The following SERBP1 variants were observed in gnomAD, a reference collection of about 807,000 sequenced individuals.
SERBP1 encodes SERPINE1 mRNA binding protein 1, also known as SERPINE1 mRNA-binding protein 1.
In SERBP1, 6 loss-of-function variants were observed where a neutral mutation model predicts 50.2. That is an observed-to-expected ratio of 0.12 (90% CI 0.07 to 0.24). The LOEUF (loss-of-function observed/expected upper bound fraction) is 0.24, where lower values mean the gene tolerates loss of function less well. SERBP1 is among the 10% of genes least tolerant of loss of function. The pLI is 1.00. For synonymous variants in SERBP1, 168 were observed against 182.8 expected (o/e 0.92, Z 0.65); for missense variants, 346 against 524.9 (o/e 0.66, Z 3.33).
chr1:67,421,461 A>G (rs1228850824), intron 5 of SERBP1, among the ~76,000 whole-genome samples: 13 of 152,224 alleles, frequency 8.5e-5, no homozygotes, highest in Admixed American at 8.5e-4. Flanking sequence ...TGCTATGCCC[A>G]GATTCTCCCC....
At chr1:67,425,023 A>G in intron 3 of SERBP1, 46 bp from the exon 4 acceptor site, 1 of 1,601,604 alleles carries the variant, frequency 6.2e-7, no homozygotes, top group East Asian at 2.2e-5. Context: ...CTAGAAATTC[A>G]AAGTTTGTTT....
At chr1:67,417,848 CAG>C (rs373678724) in intron 6 of SERBP1, among the ~76,000 whole-genome samples, 86 of 151,904 alleles carry the variant, frequency 5.7e-4, no homozygotes, top group African/African-American at 1.7e-3. Flanking sequence ...GAGCAGAAAA[CAG>C]AAACTCTGAG....
chr1:67,421,854 G>C (rs1313838494), intron 5 of SERBP1, among the ~76,000 whole-genome samples: 3 of 152,158 alleles, frequency 2.0e-5, no homozygotes, highest in Non-Finnish European at 2.9e-5. Context: ...TCGGGAGGCT[G>C]AGGCAGGAGA....
At position 67,411,219 on chromosome 1, in the gene SERBP1, A is replaced by G. The variant is rs1666827331; in HGVS notation, c.*1988T>C. ...GTTCAGGCTATCTTGAAAGCTTGCA[A>G]CATACCAGATATTGCTATGTTGTCT... On this transcript the variant is annotated 3_prime_UTR_variant, in exon 8 of 8. Transcript: ENST00000361219. 1 of 152,196 alleles carries G rather than the reference A, an allele frequency of 6.6e-6. No individual in the cohort carries two copies. Among genetic ancestry groups the G allele is most frequent in the South Asian group, 2.1e-4 (1 of 4,834 alleles). The allele number at this position is 152,196 out of a possible 1,614,324, so 9.4% of individuals were successfully genotyped here. A position where few individuals can be genotyped will look rare whatever the true frequency, so the allele number is the denominator to read the frequency against.
At chr1:67,423,906 G>A (rs947199918) in intron 5 of SERBP1, among the ~76,000 whole-genome samples, 1 of 152,122 alleles carries the variant, frequency 6.6e-6, no homozygotes, top group Admixed American at 6.5e-5. Flanking sequence ...TTAAGGGCTG[G>A]GTGCAGTGGC....
At chr1:67,421,931 G>A (rs2100429626) in intron 5 of SERBP1, among the ~76,000 whole-genome samples, 1 of 152,214 alleles carries the variant, frequency 6.6e-6, no homozygotes, top group African/African-American at 2.4e-5. Flanking sequence ...AGGAGACTGT[G>A]TCTCAAAGAA....
chr1:67,428,076 TTACAG>T (rs1410071551), intron 1 of SERBP1, among the ~76,000 whole-genome samples: 1 of 152,218 alleles, frequency 6.6e-6, no homozygotes, highest in Non-Finnish European at 1.5e-5. Flanking sequence ...GCGACTTTGT[TTACAG>T]ATTTATTCCC....
At chr1:67,422,931 C>T (rs980706410) in intron 5 of SERBP1, among the ~76,000 whole-genome samples, 3 of 151,168 alleles carry the variant, frequency 2.0e-5, no homozygotes, top group Non-Finnish European at 2.9e-5. Flanking sequence ...ACTGTTACTT[C>T]AGCCTGGGCA....
chr1:67,423,009 T>C (rs758445338), intron 5 of SERBP1, among the ~76,000 whole-genome samples: 1 of 149,328 alleles, frequency 6.7e-6, no homozygotes, highest in Non-Finnish European at 1.5e-5. Flanking sequence ...CAAAACACCA[T>C]GTAATTTTAA....
At chr1:67,424,813 A>C in intron 4 of SERBP1, 75 bp downstream of exon 4, 1 of 1,084,492 alleles carries the variant, frequency 9.2e-7, no homozygotes, top group East Asian at 2.4e-5. Context: ...TATCTCAGAG[A>C]CAAGTAAAAT....
intron 6 of SERBP1, among the ~76,000 whole-genome samples, chr1:67,419,043 G>A (rs1382732307): frequency 1.3e-5 from 2 of 152,126 alleles, no homozygotes; most frequent in South Asian, 2.1e-4. Context: ...AAGCTTAAAC[G>A]GAAGCTACCA....
intron 1 of SERBP1, among the ~76,000 whole-genome samples, chr1:67,427,396 C>CAT (rs1268315470): frequency 1.2e-4 from 19 of 152,256 alleles, no homozygotes; most frequent in Non-Finnish European, 2.1e-4. Context: ...CTGACAAAGT[C>CAT]ATAAAGCAGC....
In SERBP1 at chr1:67,409,892, G is replaced by A. The variant is rs1421671090; in HGVS notation, c.*3315C>T. The A allele has an allele frequency of 6.6e-6, 1 of 152,182 alleles. No homozygotes were observed. Among genetic ancestry groups the A allele is most frequent in the Non-Finnish European group, 1.5e-5 (1 of 68,032 alleles). The allele number at this position is 152,182 out of a possible 1,614,324, so 9.4% of individuals were successfully genotyped here. ...TACCAGTTATGCCATACAAAGCACA[G>A]TAAATAATGAAGTTTCTGGGCTTTT... On this transcript the variant is annotated 3_prime_UTR_variant, in exon 8 of 8. Coordinates refer to ENST00000361219, the MANE Select transcript of SERBP1 (RefSeq NM_001018069.2).
chr1:67,428,322 A>C (rs1340672214), intron 1 of SERBP1, among the ~76,000 whole-genome samples: 3 of 152,210 alleles, frequency 2.0e-5, no homozygotes, highest in Non-Finnish European at 4.4e-5. Context: ...TTAACTTAAA[A>C]TACTACTTTT....
intron 1 of SERBP1, chr1:67,429,481 T>C (rs528749460): frequency 6.5e-6 from 1 of 153,036 alleles, no homozygotes; most frequent in East Asian, 1.9e-4. Flanking sequence ...GACCCCCTGC[T>C]TTTCAGCGGG....
chr1:67,416,318 C>T (rs891676084), intron 6 of SERBP1, among the ~76,000 whole-genome samples: 4 of 152,180 alleles, frequency 2.6e-5, no homozygotes, highest in African/African-American at 9.7e-5. Context: ...CAGCTAGAAA[C>T]TTCTTAAAAA....
intron 7 of SERBP1, among the ~76,000 whole-genome samples, chr1:67,413,495 A>G (rs899839884): frequency 6.6e-6 from 1 of 152,008 alleles, no homozygotes; most frequent in African/African-American, 2.4e-5. Flanking sequence ...CTAAAAATAT[A>G]AACAATTAGC....
In SERBP1 at chr1:67,411,525, A is replaced by C. The variant is rs1255294302; in HGVS notation, c.*1682T>G. On this transcript the variant is annotated 3_prime_UTR_variant, in exon 8 of 8. Transcript: ENST00000361219. Reference sequence around the variant, plus strand: ...ATTAGCACCAGTGCAGAACATGCTCAGCATCATAAGATCCAAAACACCAGC... The same window carrying C: ...ATTAGCACCAGTGCAGAACATGCTCCGCATCATAAGATCCAAAACACCAGC... The C allele has an allele frequency of 1.3e-5, 2 of 152,200 alleles. No homozygotes were observed. The highest frequency in any genetic ancestry group is 4.8e-5 in the African/African-American group (2 of 41,472). 9.4% of individuals were successfully genotyped at this position (152,200 alleles called of 1,614,324 possible).
rs1358538990 is a variant in SERBP1 at position 67,430,349 on chromosome 1, CGAGCCAA to C, written c.-56_-50del. The C allele has an allele frequency of 6.7e-7, 1 of 1,485,896 alleles. No individual in the cohort carries two copies. The highest frequency in any genetic ancestry group is 8.9e-7 in the Non-Finnish European group (1 of 1,117,578). 92.0% of individuals were successfully genotyped at this position (1,485,896 alleles called of 1,614,324 possible). A position where few individuals can be genotyped will look rare whatever the true frequency, so the allele number is the denominator to read the frequency against. On this transcript the variant is annotated 5_prime_UTR_variant, in exon 1 of 8. Transcript: ENST00000361219. Reference sequence around the variant, plus strand: ...CTCCACGGATTGCAGCGGGCCGCGCCGAGCCAAGAGCGCCTGCTTCAGCTCTTCCCAC... The same window carrying C: ...CTCCACGGATTGCAGCGGGCCGCGCCGAGCGCCTGCTTCAGCTCTTCCCAC...
Sources: allele counts gnomAD v4.1 joint callset (sites outside exome capture counted in the v4.1 genomes callset), GRCh38; gene constraint gnomAD v4.1.1; transcripts MANE v1.5; gene names NCBI Gene and HGNC (gene_info 2026-07-23, HGNC 2026-07-21).